The following CRACD variants were observed in gnomAD, a reference collection of about 807,000 sequenced individuals.
The protein encoded by CRACD is capping protein inhibiting regulator of actin dynamics.
CRACD carries 56 observed loss-of-function variants against 106.8 expected under a neutral mutation model. That is an observed-to-expected ratio of 0.52 (90% CI 0.42 to 0.66). The LOEUF is 0.66. Ranked by LOEUF, CRACD falls within the 30% of genes least tolerant of loss-of-function variation. The probability of loss-of-function intolerance (pLI) is 0.00; values close to 1 mark genes in which losing one functional copy is unlikely to be tolerated. For synonymous variants in CRACD, 754 were observed against 670.8 expected, an observed-to-expected ratio of 1.12 and a Z score of -1.92; for missense variants, 1,730 against 1,623.2, an observed-to-expected ratio of 1.07 and a Z score of -1.13.
chr4:56,143,024 A>G (rs567907944), intron 1 of CRACD, among the ~76,000 whole-genome samples: 18 of 151,834 alleles, frequency 1.2e-4, no homozygotes, highest in African/African-American at 3.9e-4. Context: ...CATATTATCA[A>G]TCATTTACCT....
At chr4:56,177,246 CCA>C (rs1196630728) in intron 1 of CRACD, among the ~76,000 whole-genome samples, 1 of 152,006 alleles carries the variant, frequency 6.6e-6, no homozygotes, top group African/African-American at 2.4e-5. Flanking sequence ...CCTTTTATAC[CCA>C]GTTTCTTGAG....
chr4:56,263,698 T>G (rs186203399), intron 2 of CRACD, among the ~76,000 whole-genome samples: 7 of 152,284 alleles, frequency 4.6e-5, no homozygotes, highest in Admixed American at 3.3e-4. Flanking sequence ...GACCTTAAAA[T>G]ATGAAATTTG....
intron 1 of CRACD, among the ~76,000 whole-genome samples, chr4:56,093,274 C>G (rs910592140): frequency 4.6e-5 from 7 of 152,174 alleles, no homozygotes; most frequent in African/African-American, 1.7e-4. Context: ...TGTTAGTTTC[C>G]TTTCCCCACT....
chr4:56,171,491 A>G (rs753728753), intron 1 of CRACD, among the ~76,000 whole-genome samples: 17 of 152,158 alleles, frequency 1.1e-4, no homozygotes, highest in Non-Finnish European at 2.2e-4. Flanking sequence ...AAGCAAATTG[A>G]GCAACAGTTT....
intron 2 of CRACD, among the ~76,000 whole-genome samples, chr4:56,234,504 C>A (rs1358687017): frequency 6.6e-6 from 1 of 151,994 alleles, no homozygotes; most frequent in African/African-American, 2.4e-5. Flanking sequence ...AGGTTGTTCC[C>A]ACTTATTAAC....
At chr4:56,313,925 C>T in intron 7 of CRACD, 115 bp from the exon 8 acceptor site, 1 of 1,383,542 alleles carries the variant, frequency 7.2e-7, no homozygotes, top group Non-Finnish European at 9.8e-7. Context: ...TTGAGAATAC[C>T]TGCTTCCAGG....
intron 3 of CRACD, among the ~76,000 whole-genome samples, chr4:56,276,017 T>C (rs1212463311): frequency 1.3e-5 from 2 of 152,184 alleles, no homozygotes; most frequent in African/African-American, 4.8e-5. Context: ...GAATAGCTCC[T>C]TATTGATCTG....
intron 2 of CRACD, among the ~76,000 whole-genome samples, chr4:56,244,739 C>CTCCAGG (rs1277100107): frequency 3.3e-5 from 5 of 152,212 alleles, no homozygotes; most frequent in Non-Finnish European, 7.3e-5. Context: ...AGAAGTGGGC[C>CTCCAGG]TCCAGGACCC....
intron 2 of CRACD, among the ~76,000 whole-genome samples, chr4:56,259,780 G>A (rs1005929804): frequency 2.6e-5 from 4 of 152,108 alleles, no homozygotes; most frequent in African/African-American, 9.7e-5. Flanking sequence ...GCAAAGCAGG[G>A]GGTTGCTGGA....
intron 1 of CRACD, among the ~76,000 whole-genome samples, chr4:56,155,087 T>C: frequency 6.6e-6 from 1 of 152,156 alleles, no homozygotes; most frequent in Non-Finnish European, 1.5e-5. Context: ...TGGCAATAAA[T>C]AGCCCTTAAA....
At chr4:56,240,815 T>C (rs1233907220) in intron 2 of CRACD, among the ~76,000 whole-genome samples, 1 of 152,228 alleles carries the variant, frequency 6.6e-6, no homozygotes, top group Non-Finnish European at 1.5e-5. Context: ...TAGGTTTGTC[T>C]TCTGTGACTT....
chr4:56,148,643 A>G (rs1208207635), intron 1 of CRACD, among the ~76,000 whole-genome samples: 3 of 151,970 alleles, frequency 2.0e-5, no homozygotes, highest in South Asian at 2.1e-4. Context: ...ATGTTGAACA[A>G]CTTTTTATAT....
intron 1 of CRACD, among the ~76,000 whole-genome samples, chr4:56,108,538 G>A (rs543978118): frequency 9.9e-5 from 15 of 152,142 alleles, no homozygotes; most frequent in Non-Finnish European, 2.1e-4. Flanking sequence ...GACACAAGAC[G>A]AAGAGTTAAA....
chr4:56,320,371 A>G (rs1746005537), intron 8 of CRACD, among the ~76,000 whole-genome samples: 1 of 152,104 alleles, frequency 6.6e-6, no homozygotes, highest in Non-Finnish European at 1.5e-5. Flanking sequence ...ATGAGAGAGA[A>G]TGGGTTTATA....
At chr4:56,189,244 T>C (rs1446252847) in intron 2 of CRACD, among the ~76,000 whole-genome samples, 2 of 151,850 alleles carry the variant, frequency 1.3e-5, no homozygotes, top group African/African-American at 4.8e-5. Flanking sequence ...ACTTCAGTGA[T>C]TGGGATTTCA....
intron 1 of CRACD, among the ~76,000 whole-genome samples, chr4:56,091,117 A>G (rs1302890078): frequency 6.6e-6 from 1 of 151,958 alleles, no homozygotes; most frequent in Non-Finnish European, 1.5e-5. Context: ...CAGTATTGCA[A>G]TCCGGGCTCA....
chr4:56,248,067 T>A (rs890677913), intron 2 of CRACD, among the ~76,000 whole-genome samples: 1 of 152,148 alleles, frequency 6.6e-6, no homozygotes, highest in Non-Finnish European at 1.5e-5. Flanking sequence ...TTTCCAGTGG[T>A]GGGACTGTGG....
rs758660533 is a variant in CRACD at position 56,316,604 on chromosome 4, G to A, written c.3102G>A (p.Glu1034=). 19 of 1,613,452 alleles carry A rather than the reference G, an allele frequency of 1.2e-5. No individual in the cohort carries two copies. The African/African-American group carries it at 2.3e-4, about 19-fold the overall frequency. ...GACAGAAGAGGGACGAGGAGGAAGA[G>A]GCGACAGAGAGGAAACCTGCTTCCC... The part of the protein sequence containing the change: ...RKGQKRDEEE[E]ATERKPASPP... Residue 1034 remains glutamate (E), a synonymous_variant, in exon 8 of 11, where the codon GAG becomes GAA. Transcript: ENST00000682029.
chr4:56,163,314 A>G (rs1411523007), intron 1 of CRACD, among the ~76,000 whole-genome samples: 5 of 152,220 alleles, frequency 3.3e-5, no homozygotes, highest in Non-Finnish European at 7.3e-5. Flanking sequence ...AAAGCTAAAA[A>G]TATTGATACA....
Sources: allele counts gnomAD v4.1 joint callset (sites outside exome capture counted in the v4.1 genomes callset), GRCh38; gene constraint gnomAD v4.1.1; transcripts MANE v1.5; gene names NCBI Gene and HGNC (gene_info 2026-07-23, HGNC 2026-07-21).